CATSPERE: variants seen among roughly 807,000 people sequenced by gnomAD.
CATSPERE encodes cation channel sperm-associated auxiliary subunit epsilon.
In CATSPERE, 93 loss-of-function variants were observed where a neutral mutation model predicts 114.1. That is an observed-to-expected ratio of 0.81 (90% confidence interval 0.69 to 0.97). The LOEUF (loss-of-function observed/expected upper bound fraction) is 0.97. Ranked by LOEUF, CATSPERE falls within the 50% of genes least tolerant of loss-of-function variation. The pLI is 0.00. For synonymous variants in CATSPERE, 341 were observed against 384.1 expected (o/e 0.89, Z 1.31); for missense variants, 1,058 against 1,131.6 (o/e 0.93, Z 0.93).
intron 17 of CATSPERE, among the ~76,000 whole-genome samples, chr1:244,596,828 T>C (rs924663252): frequency 1.1e-4 from 16 of 149,972 alleles, no homozygotes; most frequent in African/African-American, 3.9e-4. Context: ...GGCTTGATAA[T>C]TGATAGATGT....
In CATSPERE at chr1:244,640,135, T is replaced by G; in HGVS notation, c.*54T>G. The G allele has an allele frequency of 7.4e-7, 1 of 1,360,488 alleles. No individual in the cohort carries two copies. The highest frequency in any genetic ancestry group is 1.9e-4 in the Middle Eastern group (1 of 5,280). The allele number at this position is 1,360,488 out of a possible 1,614,324, so 84.3% of individuals were successfully genotyped here. ...ATATGCATATAGAGAAACAGTGTAT[T>G]ACATAGTGATATTGAGAGTGTGTGT... On this transcript the variant is annotated 3_prime_UTR_variant, in exon 22 of 22. Transcript: ENST00000366534.
intron 17 of CATSPERE, among the ~76,000 whole-genome samples, chr1:244,600,533 A>G (rs560489519): frequency 3.7e-4 from 57 of 152,278 alleles, no homozygotes; most frequent in African/African-American, 1.2e-3. Flanking sequence ...ACTTATACCT[A>G]ATAGGAATAG....
intron 7 of CATSPERE, among the ~76,000 whole-genome samples, chr1:244,503,809 G>A (rs959194046): frequency 6.6e-6 from 1 of 152,094 alleles, no homozygotes; most frequent in African/African-American, 2.4e-5. Context: ...GGGCTCAAGC[G>A]ATCCACCCAC....
chr1:244,463,839 A>G, intron 1 of CATSPERE, 69 bp from the exon 2 acceptor site: 3 of 1,340,876 alleles, frequency 2.2e-6, no homozygotes, highest in African/African-American at 1.4e-5. Flanking sequence ...TGCCCTGACC[A>G]TGTAGAGAAT....
intron 1 of CATSPERE, among the ~76,000 whole-genome samples, chr1:244,463,243 A>T (rs1667091786): frequency 1.3e-5 from 2 of 152,298 alleles, no homozygotes; most frequent in African/African-American, 2.4e-5. Flanking sequence ...TGTGCTTTTA[A>T]AGTAGCTACT....
At chr1:244,529,101 C>A (rs1679188363) in intron 8 of CATSPERE, among the ~76,000 whole-genome samples, 1 of 152,086 alleles carries the variant, frequency 6.6e-6, no homozygotes, top group African/African-American at 2.4e-5. Context: ...TAGGTTGTTT[C>A]CAAATCTTGA....
chr1:244,566,459 A>G (rs1469925779), intron 10 of CATSPERE, among the ~76,000 whole-genome samples: 1 of 151,990 alleles, frequency 6.6e-6, no homozygotes, highest in Non-Finnish European at 1.5e-5. Context: ...GTGGGAGTCT[A>G]AGTCTCTTTG....
intron 8 of CATSPERE, among the ~76,000 whole-genome samples, chr1:244,522,195 T>A (rs973158023): frequency 6.6e-6 from 1 of 152,058 alleles, no homozygotes; most frequent in African/African-American, 2.4e-5. Context: ...TCAAAACCGC[T>A]CAACTACATG....
rs1000798003 is a variant in CATSPERE at position 244,526,545 on chromosome 1, A to G, written c.536+7847A>G. Among the ~76,000 whole-genome samples the G allele has an allele frequency of 5.3e-5, 8 of 152,086 alleles. 1 individual carries two copies. Among genetic ancestry groups the G allele is most frequent in the South Asian group, 2.1e-4 (1 of 4,828 alleles). ...ATATCTGGCTTTTCCAGCCTATACA[A>G]TGGGAGGCTAGCAAGGATAAGGCAG... On this transcript the variant is annotated intron_variant, in intron 8 of 21. Coordinates refer to ENST00000366534, the MANE Select transcript of CATSPERE (RefSeq NM_001130957.2).
At chr1:244,612,808 C>T (rs1003180681) in intron 19 of CATSPERE, among the ~76,000 whole-genome samples, 2 of 152,100 alleles carry the variant, frequency 1.3e-5, no homozygotes, top group South Asian at 2.1e-4. Flanking sequence ...ATTACAGGCG[C>T]GGCACCACGC....
intron 20 of CATSPERE, among the ~76,000 whole-genome samples, chr1:244,632,414 A>G (rs894305734): frequency 6.6e-6 from 1 of 151,168 alleles, no homozygotes; most frequent in Non-Finnish European, 1.5e-5. Context: ...AAAAAATGAA[A>G]AAGAAAAAGA....
At position 244,581,884 on chromosome 1, in the gene CATSPERE, A is replaced by G. The variant is rs188836774; in HGVS notation, c.2009+30A>G. 5.9e-4 allele frequency: 589 copies of G among 997,938 alleles called. 2 individuals are homozygous for G. The African/African-American group carries it at 8.4e-3, about 14-fold the overall frequency. The allele number at this position is 997,938 out of a possible 1,614,324, so 61.8% of individuals were successfully genotyped here. A position where few individuals can be genotyped will look rare whatever the true frequency, so the allele number is the denominator to read the frequency against. On this transcript the variant is annotated intron_variant, in intron 12 of 21. Coordinates refer to ENST00000366534, the MANE Select transcript of CATSPERE (RefSeq NM_001130957.2). ...GTATAACTTTTAAAAGAACTTTCTC[A>G]GTATCAAATATGCTACTCAGGTTAT... is the stretch of plus-strand genomic sequence containing the variant.
intron 8 of CATSPERE, among the ~76,000 whole-genome samples, chr1:244,527,512 C>G (rs890753404): frequency 1.3e-5 from 2 of 152,142 alleles, no homozygotes; most frequent in Non-Finnish European, 2.9e-5. Context: ...TGTTCAAACA[C>G]ACATGCTGTA....
chr1:244,638,025 C>T (rs1388151172), intron 21 of CATSPERE, among the ~76,000 whole-genome samples: 1 of 152,170 alleles, frequency 6.6e-6, no homozygotes, highest in Non-Finnish European at 1.5e-5. Flanking sequence ...TGTTCCTCTC[C>T]ACTTACTGAG....
rs1240829297 is a variant in CATSPERE at position 244,568,805 on chromosome 1, G to C, written c.1508-3525G>C. On this transcript the variant is annotated intron_variant, in intron 10 of 21. Coordinates refer to ENST00000366534, the MANE Select transcript of CATSPERE (RefSeq NM_001130957.2). The surrounding 1 kb of genome is among the most constrained non-coding windows in gnomAD (Gnocchi z 4.4). The stretch of plus-strand genomic sequence containing the variant: ...CATAGGGGTGGGATCCACTGAGCTA[G>C]ACCACTTGGCTCCCTGGCTTCAGCC... 6.6e-6 allele frequency among the ~76,000 whole-genome samples: 1 copy of C among 152,198 alleles called. No individual in the cohort carries two copies. Among genetic ancestry groups the C allele is most frequent in the Non-Finnish European group, 1.5e-5 (1 of 68,036 alleles).
intron 8 of CATSPERE, among the ~76,000 whole-genome samples, chr1:244,529,277 A>G (rs114410841): frequency 0.045 from 6,871 of 152,244 alleles, 199 homozygotes; most frequent in Non-Finnish European, 0.064. Context: ...TGGTTATACT[A>G]ATTTACATTC....
At chr1:244,501,816 C>T (rs1400303433) in intron 7 of CATSPERE, among the ~76,000 whole-genome samples, 7 of 152,190 alleles carry the variant, frequency 4.6e-5, no homozygotes, top group Non-Finnish European at 1.5e-5. Flanking sequence ...AGACTCTTAA[C>T]TCTTAGGCTC....
Position 244,461,474 on chromosome 1 carries a change from C to A in CATSPERE, c.45C>A (p.Cys15Ter), listed in dbSNP as rs1353638866. ...EVAVLLLWLS[C>*]YGSALWRYST... Reference sequence around the variant, plus strand: ...CCGTGCTGCTGCTGTGGCTGAGCTGCTATGGCTCCGCCCTTTGGAGGTAGA... The same window carrying A: ...CCGTGCTGCTGCTGTGGCTGAGCTGATATGGCTCCGCCCTTTGGAGGTAGA... The change falls in exon 1 of 22, where the codon TGC becomes TGA. Residue 15 changes from cysteine to a stop codon, truncating the protein, a stop_gained. Transcript: ENST00000366534. LOFTEE classifies it high-confidence loss of function. 1 of 1,345,082 alleles carries A rather than the reference C, an allele frequency of 7.4e-7. No homozygotes were observed. The allele number at this position is 1,345,082 out of a possible 1,614,324, so 83.3% of individuals were successfully genotyped here.
chr1:244,562,518 C>T lies in CATSPERE; in HGVS notation c.1507+1373C>T, dbSNP rs937792865. ...TGATAAATCCTTCTCACTTACCCAC[C>T]AGCAAAGTTTGTCACAGTCTAAACT... On this transcript the variant is annotated intron_variant, in intron 10 of 21. Transcript: ENST00000366534. 2.8e-4 allele frequency among the ~76,000 whole-genome samples: 42 copies of T among 152,202 alleles called. 1 individual carries two copies. Among genetic ancestry groups the T allele is most frequent in the Middle Eastern group, 3.4e-3 (1 of 294 alleles).
Sources: gnomAD v4.1 joint callset for allele counts (sites outside exome capture counted in the v4.1 genomes callset) on GRCh38, gnomAD v4.1.1 for gene constraint, Gnocchi (gnomAD v3.1) non-coding constraint, MANE v1.5 for transcripts, NCBI Gene and HGNC (gene_info 2026-07-23, HGNC 2026-07-21) for gene names.